The following TMC4 variants were observed in gnomAD, a reference collection of about 807,000 sequenced individuals.
TMC4 encodes the protein voltage-gated chloride channel TMC4.
A neutral mutation model predicts 82.0 loss-of-function variants in TMC4; 70 were observed. That is an observed-to-expected ratio of 0.85 (90% CI 0.70 to 1.04). The LOEUF (loss-of-function observed/expected upper bound fraction) is 1.04, where lower values mean the gene tolerates loss of function less well. Among genes scored for constraint, TMC4 ranks in the 50% least tolerant of loss-of-function variants. TMC4 has a pLI of 0.00. For synonymous variants in TMC4, 446 were observed against 406.0 expected (o/e 1.10, Z -1.18); for missense variants, 879 against 899.0 (o/e 0.98, Z 0.28).
intron 2 of TMC4, among the ~76,000 whole-genome samples, chr19:54,170,612 T>C (rs1341589585): frequency 1.5e-4 from 2 of 13,008 alleles, no homozygotes; most frequent in East Asian, 5.3e-3. Context: ...CCTGTGTTTG[T>C]TTTATTTTAT....
intron 2 of TMC4, among the ~76,000 whole-genome samples, chr19:54,170,745 G>A (rs73062686): frequency 0.084 from 12,747 of 151,920 alleles, 660 homozygotes; most frequent in Non-Finnish European, 0.12. Context: ...CAATTCTCCC[G>A]CCTCAGCCTC....
chr19:54,172,710 C>A, intron 1 of TMC4: 1 of 309,094 alleles, frequency 3.2e-6, no homozygotes, highest in Non-Finnish European at 5.9e-6. Context: ...TGGAACCCTC[C>A]TACTCCAGGG....
chr19:54,165,345 T>C lies in TMC4; in HGVS notation c.945+74A>G, dbSNP rs935277899. 2.7e-6 allele frequency: 4 copies of C among 1,461,744 alleles called. No homozygotes were observed. The African/African-American group carries it at 4.1e-5, about 15-fold the overall frequency. 90.5% of individuals were successfully genotyped at this position (1,461,744 alleles called of 1,614,324 possible). Reference sequence around the variant, plus strand: ...CTCTCCGGAGGCCCCATCACCGAGTTAGGCCCTGTGCGTTATCTCAGCCCG... The same window carrying C: ...CTCTCCGGAGGCCCCATCACCGAGTCAGGCCCTGTGCGTTATCTCAGCCCG... On this transcript the variant is annotated intron_variant, in intron 6 of 14. Coordinates refer to ENST00000619895, the MANE Select transcript of TMC4 (RefSeq NM_144686.4).
intron 11 of TMC4, 66 bp downstream of exon 11, chr19:54,162,036 C>T: frequency 7.0e-7 from 1 of 1,435,876 alleles, no homozygotes; most frequent in African/African-American, 1.4e-5. Context: ...CTTCCTTGCC[C>T]TTGACCCAGG....
In TMC4 at chr19:54,168,465, T is replaced by A. The variant is rs949485887; in HGVS notation, c.658A>T (p.Asn220Tyr). The change falls in exon 4 of 15, where the codon AAC becomes TAC. Residue 220 changes from asparagine to tyrosine, a missense_variant. Physicochemically the swap from Asn to Tyr is moderately radical, Grantham distance 143 (BLOSUM62 -2). Transcript: ENST00000619895. ...GCACCTACCTCACCCGAGAGCAAGTTGAAGAGCTGGGTGGCAAAGGTGACC... is the reference window on the plus strand; with the variant it reads ...GCACCTACCTCACCCGAGAGCAAGTAGAAGAGCTGGGTGGCAAAGGTGACC... ...GLVTFATQLF[N>Y]LLSGEGYLEW... 6.5e-7 allele frequency: 1 copy of A among 1,544,572 alleles called. No homozygotes were observed. Among genetic ancestry groups the A allele is most frequent in the Non-Finnish European group, 8.7e-7 (1 of 1,144,384 alleles).
intron 13 of TMC4, 114 bp downstream of exon 13, chr19:54,160,764 C>T: frequency 6.9e-7 from 1 of 1,449,178 alleles, no homozygotes; most frequent in South Asian, 1.3e-5. Flanking sequence ...CCTCCTCCCT[C>T]AGACTCAGTA....
intron 10 of TMC4, 134 bp from the exon 11 acceptor site, chr19:54,162,419 TC>T: frequency 1.6e-6 from 1 of 625,396 alleles, no homozygotes. Flanking sequence ...CTTTCAGGAC[TC>T]CACGTGGAGG....
intron 2 of TMC4, among the ~76,000 whole-genome samples, chr19:54,171,072 C>CATAT (rs1035778757): frequency 6.0e-5 from 3 of 50,220 alleles, no homozygotes; most frequent in Non-Finnish European, 1.2e-4. Context: ...CATATATATA[C>CATAT]ATATATATGT....
rs773312891 is a variant in TMC4, at chr19:54,172,996, C to T, written c.79+43G>A. 4 of 1,574,832 alleles carry T rather than the reference C, an allele frequency of 2.5e-6. No homozygotes were observed. In the African/African-American group the frequency reaches 5.4e-5, roughly 21 times the overall value. On this transcript the variant is annotated intron_variant, in intron 1 of 14. Transcript: ENST00000619895. ...CTCCTCCAGCAGGACTCCCACCTAG[C>T]CTGAAGGTCGGATGGATCTGAGCTT...
Position 54,169,630 on chromosome 19 carries a change from G to T in TMC4, c.324C>A (p.Val108=), listed in dbSNP as rs755208130. The T allele has an allele frequency of 1.2e-6, 2 of 1,614,000 alleles. No individual in the cohort carries two copies. Among genetic ancestry groups the T allele is most frequent in the Non-Finnish European group, 1.7e-6 (2 of 1,180,026 alleles). The change falls in exon 3 of 15, where the codon GTC becomes GTA. Residue 108 remains valine, a synonymous_variant. Coordinates refer to ENST00000619895, the MANE Select transcript of TMC4 (RefSeq NM_144686.4). ...RQRNASRDQV[V]YGSGTKTDRW... is the part of the protein sequence containing the mutation. ...GGTCCGTCTTAGTTCCAGAGCCATAGACCACCTGGTCCCTGCTGGCATTTC... is the reference window on the plus strand; with the variant it reads ...GGTCCGTCTTAGTTCCAGAGCCATATACCACCTGGTCCCTGCTGGCATTTC...
In TMC4 at chr19:54,160,917, C is replaced by T. The variant is rs749648885; in HGVS notation, c.1934G>A (p.Gly645Glu). ...AAGGGGCACAGCAAAAGCCTGGGTC[C>T]CCAGGAAGAAGAGGAAATTCTGGGT... ...ETTQNFLFFL[G>E]TQAFAVPLLL... Residue 645 changes from glycine to glutamate, a missense_variant, in exon 13 of 15, where the codon GGG becomes GAG. Transcript: ENST00000619895. 1.2e-6 allele frequency: 2 copies of T among 1,613,968 alleles called. No homozygotes were observed. Among genetic ancestry groups the T allele is most frequent in the East Asian group, 2.2e-5 (1 of 44,884 alleles).
intron 5 of TMC4, among the ~76,000 whole-genome samples, chr19:54,166,751 C>T (rs1039467339): frequency 2.0e-5 from 3 of 151,938 alleles, no homozygotes; most frequent in African/African-American, 4.8e-5. Flanking sequence ...GTCAGGAGTT[C>T]GAGACCAGCC....
chr19:54,166,145 G>T (rs771533798), intron 5 of TMC4, among the ~76,000 whole-genome samples: 1 of 151,806 alleles, frequency 6.6e-6, no homozygotes, highest in Non-Finnish European at 1.5e-5. Context: ...TTGGGAGGCC[G>T]AGGGGGGAGG....
chr19:54,163,698 C>G, intron 8 of TMC4, 26 bp downstream of exon 8: 1 of 1,613,078 alleles, frequency 6.2e-7, no homozygotes, highest in South Asian at 1.1e-5. Flanking sequence ...CTTCATCATT[C>G]CCAGCCATCC....
intron 11 of TMC4, among the ~76,000 whole-genome samples, chr19:54,161,714 G>T (rs1233831760): frequency 6.6e-6 from 1 of 151,918 alleles, no homozygotes; most frequent in African/African-American, 2.4e-5. Flanking sequence ...AATTTTTTTT[G>T]TATTTTTAGT....
intron 6 of TMC4, 148 bp downstream of exon 6, chr19:54,165,271 T>G: frequency 1.0e-6 from 1 of 968,486 alleles, no homozygotes; most frequent in Non-Finnish European, 1.4e-6. Context: ...CCTCTCAACC[T>G]TCTCATTCCC....
At chr19:54,163,981 T>TC in intron 7 of TMC4, 94 bp from the exon 8 acceptor site, 1 of 1,273,072 alleles carries the variant, frequency 7.9e-7, no homozygotes, top group East Asian at 2.4e-5. Context: ...CTTCTTCTTT[T>TC]TTTTTTTTTT....
At position 54,173,059 on chromosome 19, in the gene TMC4, G is replaced by T. The variant is rs778963184; in HGVS notation, c.59C>A (p.Ala20Asp). 11 of 1,610,212 alleles carry T rather than the reference G, an allele frequency of 6.8e-6. No individual in the cohort carries two copies. Among genetic ancestry groups the T allele is most frequent in the East Asian group, 2.2e-5 (1 of 44,698 alleles). The change falls in exon 1 of 15, where the codon GCC becomes GAC. Residue 20 changes from alanine (A) to aspartate (D), a missense_variant. Coordinates refer to ENST00000619895, the MANE Select transcript of TMC4 (RefSeq NM_144686.4). ...EAWGSSREWL[A>D]PREARGGPSL... ...CCTACCTCCTCTGGCCTCCCGGGGG[G>T]CCAGCCACTCCCTAGAGGAGCCCCA...
rs372999559 is a variant in TMC4 at position 54,173,054 on chromosome 19, G to T, written c.64C>A (p.Arg22=). The T allele has an allele frequency of 4.3e-6, 7 of 1,612,324 alleles. No homozygotes were observed. The South Asian group carries it at 6.6e-5, about 15-fold the overall frequency. The change falls in exon 1 of 15, where the codon CGG becomes AGG. Residue 22 remains arginine (R), a synonymous_variant. Transcript: ENST00000619895. Reference sequence around the variant, plus strand: ...CATTCCCTACCTCCTCTGGCCTCCCGGGGGGCCAGCCACTCCCTAGAGGAG... The same window carrying T: ...CATTCCCTACCTCCTCTGGCCTCCCTGGGGGCCAGCCACTCCCTAGAGGAG... ...WGSSREWLAP[R]EARGGPSLSS...
Sources: allele counts gnomAD v4.1 joint callset (sites outside exome capture counted in the v4.1 genomes callset), GRCh38; gene constraint gnomAD v4.1.1; transcripts MANE v1.5; gene names NCBI Gene and HGNC (gene_info 2026-07-23, HGNC 2026-07-21).